RYR1: variants seen among roughly 807,000 people sequenced by gnomAD.
The protein encoded by RYR1 is central core disease of muscle.
In RYR1, 342 loss-of-function variants were observed where a neutral mutation model predicts 583.5. The observed-to-expected ratio is 0.59, with a 90% CI of 0.54 to 0.64. The LOEUF (loss-of-function observed/expected upper bound fraction) is 0.64, where lower values mean the gene tolerates loss of function less well. Among genes scored for constraint, RYR1 ranks in the 30% least tolerant of loss-of-function variants. RYR1 has a pLI of 0.00. For missense variants in RYR1, 6,032 were observed against 6,917.2 expected (o/e 0.87, Z 4.54); for synonymous variants, 2,791 against 2,822.5 (o/e 0.99, Z 0.35).
Position 38,585,019 on chromosome 19 carries a change from A to G in RYR1, c.14723A>G (p.Asp4908Gly), listed in dbSNP as rs1280772030. Residue 4908 changes from aspartate (D) to glycine (G), a missense_variant, in exon 102 of 106, where the codon GAC (aspartate) becomes GGC (glycine). Around this residue, in one of 11 missense-constraint regions of RYR1, gnomAD observed 189 missense variants for 350.3 expected, o/e 0.54. Coordinates refer to ENST00000359596, the MANE Select transcript of RYR1 (RefSeq NM_000540.3). ...IGDEIEDPAG[D>G]EYELYRVVFD... ...GACGAGATCGAGGACCCCGCGGGTG[A>G]CGAATACGAGCTCTACAGGGTGGTC... 6.2e-7 allele frequency: 1 copy of G among 1,613,942 alleles called. No homozygotes were observed. Among genetic ancestry groups the G allele is most frequent in the Non-Finnish European group, 8.5e-7 (1 of 1,179,988 alleles).
At position 38,543,997 on chromosome 19, in the gene RYR1, C is replaced by T. The variant is rs533632002; in HGVS notation, c.12012+122C>T. The T allele has an allele frequency of 2.2e-5, 21 of 974,034 alleles. No individual in the cohort carries two copies. The highest frequency in any genetic ancestry group is 1.8e-4 in the South Asian group (13 of 72,298). 60.3% of individuals were successfully genotyped at this position (974,034 alleles called of 1,614,324 possible). The stretch of plus-strand genomic sequence containing the variant: ...GCTCCCGGCATGTTCCAGACTGGTT[C>T]CCTCTCAGTGGCCAAATCCATCCTC... On this transcript the variant is annotated intron_variant, in intron 87 of 105. Coordinates refer to ENST00000359596, the MANE Select transcript of RYR1 (RefSeq NM_000540.3). The surrounding 1 kb of genome is among the most constrained non-coding windows in gnomAD (Gnocchi z 4.4).
intron 97 of RYR1, 42 bp from the exon 98 acceptor site, chr19:38,577,876 C>T (rs1202531483): frequency 1.2e-6 from 2 of 1,613,184 alleles, no homozygotes; most frequent in Non-Finnish European, 1.7e-6. Context: ...CACACACCCA[C>T]ACTCCAGCTG....
At chr19:38,505,761 C>G (rs765046217) in intron 53 of RYR1, 45 bp from the exon 54 acceptor site, 16 of 1,613,092 alleles carry the variant, frequency 9.9e-6, no homozygotes, top group Non-Finnish European at 1.3e-5. Flanking sequence ...CTCCACCCCT[C>G]TCTCATCCCA....
intron 12 of RYR1, among the ~76,000 whole-genome samples, chr19:38,452,098 G>T (rs1967104991): frequency 6.9e-6 from 1 of 144,538 alleles, no homozygotes; most frequent in Non-Finnish European, 1.5e-5. Flanking sequence ...AGACCAGCCT[G>T]GGCAGCATAG....
chr19:38,452,558 G>C (rs1351675764), intron 12 of RYR1, among the ~76,000 whole-genome samples: 1 of 152,010 alleles, frequency 6.6e-6, no homozygotes, highest in Non-Finnish European at 1.5e-5. Flanking sequence ...TCACACCCCT[G>C]ACACCCAGAG....
chr19:38,547,313 A>G (rs997142034), intron 88 of RYR1, among the ~76,000 whole-genome samples: 2 of 151,346 alleles, frequency 1.3e-5, no homozygotes, highest in Non-Finnish European at 2.9e-5. Context: ...AGCCTCCCAA[A>G]GTGCTGGGAT....
rs193922797 is a variant in RYR1 at position 38,496,901 on chromosome 19, G to A, written c.6838G>A (p.Val2280Ile). ...GCCCCTGGACGTGGCTGCTGCCTCC[G>A]TCATTGACAACAATGAGCTGGCCTT... ...STPLDVAAAS[V>I]IDNNELALAL... The change falls in exon 42 of 106, where the codon GTC (valine) becomes ATC (isoleucine). Residue 2280 changes from valine to isoleucine, a missense_variant. Val to Ile is a conservative substitution (Grantham distance 29). This residue lies in a region of RYR1 where 2,627 missense variants were observed against 2,961.3 expected (regional missense o/e 0.89). Coordinates refer to ENST00000359596, the MANE Select transcript of RYR1 (RefSeq NM_000540.3). The surrounding 1 kb of genome is among the most constrained non-coding windows in gnomAD (Gnocchi z 4.8). 6.1e-5 allele frequency: 99 copies of A among 1,613,396 alleles called. No individual in the cohort carries two copies. Among genetic ancestry groups the A allele is most frequent in the Non-Finnish European group, 7.3e-5 (86 of 1,180,014 alleles).
intron 93 of RYR1, among the ~76,000 whole-genome samples, chr19:38,569,526 A>G (rs1177017236): frequency 1.3e-5 from 2 of 151,026 alleles, no homozygotes; most frequent in African/African-American, 4.9e-5. Flanking sequence ...CTTCACTCCA[A>G]CCTGGGTGAG....
Position 38,565,679 on chromosome 19 carries a change from G to A in RYR1, c.13345G>A (p.Glu4449Lys), listed in dbSNP as rs531290623. The change falls in exon 91 of 106, where the codon GAA becomes AAA. Residue 4449 changes from glutamate (E) to lysine (K), a missense_variant. By Grantham distance (56) the Glu-to-Lys change is moderately conservative. Coordinates refer to ENST00000359596, the MANE Select transcript of RYR1 (RefSeq NM_000540.3). This position sits in a 1 kb window ranked among gnomAD's most constrained non-coding sequence, Gnocchi z 4.7. ...GACCGATGGGGGCCCCTTCCGGCCC[G>A]AAGGGGCTGGCGGTCTCGGGGACAT... is the stretch of plus-strand genomic sequence containing the variant. The part of the protein sequence containing the change: ...AVTDGGPFRP[E>K]GAGGLGDMGD... The A allele has an allele frequency of 1.4e-6, 2 of 1,398,174 alleles. No individual in the cohort carries two copies. The highest frequency in any genetic ancestry group is 1.5e-5 in the African/African-American group (1 of 65,972). 86.6% of individuals were successfully genotyped at this position (1,398,174 alleles called of 1,614,324 possible). A position where few individuals can be genotyped will look rare whatever the true frequency, so the allele number is the denominator to read the frequency against.
At chr19:38,586,310 C>A in intron 104 of RYR1, 119 bp downstream of exon 104, 1 of 1,139,252 alleles carries the variant, frequency 8.8e-7, no homozygotes, top group South Asian at 1.3e-5. Context: ...GGGCAGATTC[C>A]CTGCCAGCCA....
rs1472987989 is a variant in RYR1 at position 38,499,511 on chromosome 19, G to C, written c.7028-124G>C. On this transcript the variant is annotated intron_variant, in intron 43 of 105. Coordinates refer to ENST00000359596, the MANE Select transcript of RYR1 (RefSeq NM_000540.3). The surrounding 1 kb of genome is among the most constrained non-coding windows in gnomAD (Gnocchi z 7.3). ...TGGCAGGGGCCTGGTGTTACCTCTGGAGGTGTTGGGTCCTGGAGCTGGATG... is the reference window on the plus strand; with the variant it reads ...TGGCAGGGGCCTGGTGTTACCTCTGCAGGTGTTGGGTCCTGGAGCTGGATG... 1 of 1,162,988 alleles carries C rather than the reference G, an allele frequency of 8.6e-7. No homozygotes were observed. The highest frequency in any genetic ancestry group is 1.2e-6 in the Non-Finnish European group (1 of 811,902). 72.0% of individuals were successfully genotyped at this position (1,162,988 alleles called of 1,614,324 possible). A position where few individuals can be genotyped will look rare whatever the true frequency, so the allele number is the denominator to read the frequency against.
At position 38,557,272 on chromosome 19, in the gene RYR1, G is replaced by A. The variant is rs116162947; in HGVS notation, c.12283-3841G>A. ...TGACAAATGAGTATGAGTACCTACT[G>A]TGTGTCAGGCACTGCCCTGGTCCTG... On this transcript the variant is annotated intron_variant, in intron 89 of 105. Transcript: ENST00000359596. 8.2e-3 allele frequency among the ~76,000 whole-genome samples: 1,254 copies of A among 152,286 alleles called. 16 individuals are homozygous for A. Among genetic ancestry groups the A allele is most frequent in the African/African-American group, 0.027 (1,139 of 41,552 alleles).
rs143891703 is a variant in RYR1, at chr19:38,466,241, C to T, written c.3021C>T (p.Ser1007=). ...GCGTGGGCCAGGGCTGGAGCTACAG[C>T]GCAGTGCAGGACATCCCAGCGCGCC... ...RDRVGQGWSY[S]AVQDIPARRN... Residue 1007 remains serine (S), a synonymous_variant, in exon 24 of 106, where the codon AGC becomes AGT. Coordinates refer to ENST00000359596, the MANE Select transcript of RYR1 (RefSeq NM_000540.3). 5.6e-5 allele frequency: 90 copies of T among 1,613,238 alleles called. No homozygotes were observed. The highest frequency in any genetic ancestry group is 6.9e-5 in the Non-Finnish European group (82 of 1,179,956).
At chr19:38,482,977 C>T (rs369632649) in intron 31 of RYR1, 50 bp from the exon 32 acceptor site, 10 of 1,521,942 alleles carry the variant, frequency 6.6e-6, no homozygotes, top group Non-Finnish European at 3.6e-6. Flanking sequence ...AGAGTCAACC[C>T]TCCCTCCAGC....
chr19:38,559,102 A>C (rs1361643704), intron 89 of RYR1, among the ~76,000 whole-genome samples: 3 of 152,188 alleles, frequency 2.0e-5, no homozygotes, highest in Non-Finnish European at 4.4e-5. Context: ...ATAAGTAAGT[A>C]AGTAAATAAA....
At position 38,565,283 on chromosome 19, in the gene RYR1, G is replaced by GTGCGGCGGC. The variant is rs193922846; in HGVS notation, c.12960_12968dup (p.Arg4321_Leu4323dup). On this transcript the variant is annotated inframe_insertion, in exon 91 of 106. Coordinates refer to ENST00000359596, the MANE Select transcript of RYR1 (RefSeq NM_000540.3). This position sits in a 1 kb window ranked among gnomAD's most constrained non-coding sequence, Gnocchi z 4.7. ...CAGCTACCGCAGCCTGCGGCGGCGC[G>GTGCGGCGGC]TGCGGCGGCTGCGGCGGCTTACGGC... The GTGCGGCGGC allele has an allele frequency of 4.3e-5, 43 of 1,005,090 alleles. No individual in the cohort carries two copies. The highest frequency in any genetic ancestry group is 2.4e-4 in the Admixed American group (4 of 16,690). 62.3% of individuals were successfully genotyped at this position (1,005,090 alleles called of 1,614,324 possible).
At chr19:38,506,691 G>A in intron 56 of RYR1, 138 bp from the exon 57 acceptor site, 1 of 1,486,858 alleles carries the variant, frequency 6.7e-7, no homozygotes, top group Non-Finnish European at 9.2e-7. Flanking sequence ...AATGAGATGA[G>A]CACCAGCAAG....
At position 38,477,786 on chromosome 19, in the gene RYR1, A is replaced by G. The variant is rs761541408; in HGVS notation, c.4370A>G (p.His1457Arg). Residue 1457 changes from histidine to arginine, a missense_variant, in exon 30 of 106, where the codon CAT becomes CGT. His to Arg is a conservative substitution (Grantham distance 29, BLOSUM62 0). Coordinates refer to ENST00000359596, the MANE Select transcript of RYR1 (RefSeq NM_000540.3). ...GCGGGCTGGGTCACCCCTGACTACC[A>G]TCAGCACGACATGAGCTTCGACCTC... ...VWAGWVTPDY[H>R]QHDMSFDLSK... 9.3e-6 allele frequency: 15 copies of G among 1,613,870 alleles called. No homozygotes were observed. Among genetic ancestry groups the G allele is most frequent in the Admixed American group, 3.3e-5 (2 of 59,976 alleles).
At chr19:38,577,347 C>T (rs77866361) in intron 97 of RYR1, among the ~76,000 whole-genome samples, 9,152 of 152,200 alleles carry the variant, frequency 0.06, 355 homozygotes, top group South Asian at 0.15. Context: ...TACTATAATT[C>T]GTTCACTCAT....
Sources: allele counts gnomAD v4.1 joint callset (sites outside exome capture counted in the v4.1 genomes callset), GRCh38; gene constraint gnomAD v4.1.1; regional missense constraint gnomAD v4.1.1; non-coding constraint Gnocchi (gnomAD v3.1); transcripts MANE v1.5; gene names NCBI Gene and HGNC (gene_info 2026-07-23, HGNC 2026-07-21).